PXDC1: variants seen among roughly 807,000 people sequenced by gnomAD.
PXDC1 encodes the protein PX domain containing 1.
PXDC1 carries 13 observed loss-of-function variants against 24.4 expected under a neutral mutation model. The observed-to-expected ratio is 0.53, with a 90% CI of 0.35 to 0.85. The LOEUF is 0.85. Among genes scored for constraint, PXDC1 ranks in the 40% least tolerant of loss-of-function variants. The pLI, the probability that PXDC1 is intolerant of heterozygous loss-of-function variation, is 0.01. For missense variants in PXDC1, 344 were observed against 309.3 expected, an observed-to-expected ratio of 1.11 and a Z score of -0.84; for synonymous variants, 162 against 124.9, an observed-to-expected ratio of 1.30 and a Z score of -1.98.
chr6:3,751,606 G>A lies in PXDC1; in HGVS notation c.-75C>T. The A allele has an allele frequency of 7.1e-7, 1 of 1,399,040 alleles. No homozygotes were observed. Among genetic ancestry groups the A allele is most frequent in the East Asian group, 2.9e-5 (1 of 34,466 alleles). 86.7% of individuals were successfully genotyped at this position (1,399,040 alleles called of 1,614,324 possible). On this transcript the variant is annotated 5_prime_UTR_variant, in exon 1 of 5. Coordinates refer to ENST00000380283, the MANE Select transcript of PXDC1 (RefSeq NM_183373.4). ...CCCGCAGGAGGCGCGCCCCGGCCGG[G>A]GTCGTCCCGGGTCTGTCCGTGGCCG... is the stretch of plus-strand genomic sequence containing the variant.
rs761155596 is a variant in PXDC1 at position 3,751,304 on chromosome 6, G to C, written c.228C>G (p.Ser76=). The stretch of plus-strand genomic sequence containing the variant: ...GCCGCAGCGGCCCCTGCGCCAGTTC[G>C]GACCGGTCCTCGGGAAAGGCGTCGC... ...RLRDAFPEDR[S]ELAQGPLRQG... Residue 76 remains serine, a synonymous_variant, in exon 1 of 5, where the codon TCC becomes TCG. Transcript: ENST00000380283. 5.2e-6 allele frequency: 8 copies of C among 1,539,716 alleles called. No individual in the cohort carries two copies. In the Admixed American group the frequency reaches 1.5e-4, roughly 30 times the overall value.
intron 1 of PXDC1, among the ~76,000 whole-genome samples, chr6:3,745,146 C>T (rs1760537742): frequency 6.6e-6 from 1 of 152,198 alleles, no homozygotes; most frequent in Non-Finnish European, 1.5e-5. Flanking sequence ...GGTGACCTCC[C>T]TCTTTGTGGG....
chr6:3,723,797 C>T (rs192165117), intron 4 of PXDC1, 61 bp from the exon 5 acceptor site: 10 of 1,322,694 alleles, frequency 7.6e-6, no homozygotes, highest in South Asian at 2.4e-5. Context: ...ACCAAACACC[C>T]GCCGGGACCA....
At chr6:3,746,189 G>A (rs1253728117) in intron 1 of PXDC1, among the ~76,000 whole-genome samples, 1 of 152,180 alleles carries the variant, frequency 6.6e-6, no homozygotes, top group Non-Finnish European at 1.5e-5. Flanking sequence ...GTCTCCAGCT[G>A]GGAAGTGAGC....
chr6:3,727,075 G>A (rs1300958598), intron 4 of PXDC1, among the ~76,000 whole-genome samples: 1 of 152,254 alleles, frequency 6.6e-6, no homozygotes, highest in Non-Finnish European at 1.5e-5. Context: ...GGGCTCTCTA[G>A]AGCATGTGTT....
intron 1 of PXDC1, among the ~76,000 whole-genome samples, chr6:3,747,232 C>T (rs1291052892): frequency 6.6e-6 from 1 of 152,078 alleles, no homozygotes; most frequent in African/African-American, 2.4e-5. Flanking sequence ...GTCATCTGCA[C>T]ACTACTCCAC....
chr6:3,751,087 C>T (rs1171503281), intron 1 of PXDC1, 189 bp downstream of exon 1: 2 of 508,062 alleles, frequency 3.9e-6, no homozygotes, highest in Non-Finnish European at 6.7e-6. Flanking sequence ...GCTGGGCAGG[C>T]TGGCTCCCCG....
intron 1 of PXDC1, among the ~76,000 whole-genome samples, chr6:3,746,679 C>T (rs983585743): frequency 1.3e-5 from 2 of 152,056 alleles, no homozygotes; most frequent in Admixed American, 6.5e-5. Context: ...CTCTGCTGCC[C>T]GGGACTGGTG....
chr6:3,745,029 G>A (rs1386059630), intron 1 of PXDC1, among the ~76,000 whole-genome samples: 1 of 152,228 alleles, frequency 6.6e-6, no homozygotes, highest in Non-Finnish European at 1.5e-5. Flanking sequence ...CTAGATCTTA[G>A]GATCTTTCTT....
At position 3,728,745 on chromosome 6, in the gene PXDC1, G is replaced by T. The variant is rs1246357507; in HGVS notation, c.467-1083C>A. On this transcript the variant is annotated intron_variant, in intron 3 of 4. Transcript: ENST00000380283. This position sits in a 1 kb window ranked among gnomAD's most constrained non-coding sequence, Gnocchi z 4.0. ...CTCCTGGATCGCATCATGCCATCTGGTCCATCTAGGTATAAAAAGCTGCAG... is the reference window on the plus strand; with the variant it reads ...CTCCTGGATCGCATCATGCCATCTGTTCCATCTAGGTATAAAAAGCTGCAG... Among the ~76,000 whole-genome samples, 1 of 152,078 alleles carries T rather than the reference G, an allele frequency of 6.6e-6. No individual in the cohort carries two copies. The highest frequency in any genetic ancestry group is 1.5e-5 in the Non-Finnish European group (1 of 68,024).
At chr6:3,750,498 C>T (rs1268106488) in intron 1 of PXDC1, among the ~76,000 whole-genome samples, 2 of 152,182 alleles carry the variant, frequency 1.3e-5, no homozygotes, top group African/African-American at 4.8e-5. Context: ...ATTCCAGTCC[C>T]TCTCTCTTGC....
At chr6:3,726,920 G>A (rs1298860940) in intron 4 of PXDC1, among the ~76,000 whole-genome samples, 1 of 152,216 alleles carries the variant, frequency 6.6e-6, no homozygotes, top group Non-Finnish European at 1.5e-5. Flanking sequence ...ATAACTTTCT[G>A]AGCTCATACA....
chr6:3,727,649 G>T lies in PXDC1; in HGVS notation c.480C>A (p.Ser160=), dbSNP rs1760097547. The T allele has an allele frequency of 6.2e-7, 1 of 1,612,374 alleles. No homozygotes were observed. The change falls in exon 4 of 5, where the codon TCC becomes TCA. Residue 160 remains serine, a synonymous_variant. Transcript: ENST00000380283. ...SPVKISEIMR[S]NGFCLANTET... ...CGGTATTTGCTAAACAAAATCCATT[G>T]GACCTCATGATTTCTGAAAACCAAA...
chr6:3,729,089 G>A (rs919490405), intron 3 of PXDC1, among the ~76,000 whole-genome samples: 1 of 152,102 alleles, frequency 6.6e-6, no homozygotes, highest in African/African-American at 2.4e-5. Context: ...ACACCCAACA[G>A]GAACATCGCT....
chr6:3,750,925 G>A lies in PXDC1; in HGVS notation c.256+351C>T, dbSNP rs536829061. Among the ~76,000 whole-genome samples, 37 of 152,060 alleles carry A rather than the reference G, an allele frequency of 2.4e-4. 1 individual carries two copies. Among genetic ancestry groups the A allele is most frequent in the South Asian group, 1.0e-3 (5 of 4,820 alleles). On this transcript the variant is annotated intron_variant, in intron 1 of 4. Coordinates refer to ENST00000380283, the MANE Select transcript of PXDC1 (RefSeq NM_183373.4). Reference sequence around the variant, plus strand: ...GCCCTCGGGAGGTACCGGGCAGGGGGCTAGGGCCGGGCCGACCCTGTGAGC... The same window carrying A: ...GCCCTCGGGAGGTACCGGGCAGGGGACTAGGGCCGGGCCGACCCTGTGAGC...
intron 3 of PXDC1, among the ~76,000 whole-genome samples, chr6:3,735,686 T>C (rs889758720): frequency 4.6e-5 from 7 of 152,214 alleles, no homozygotes; most frequent in Non-Finnish European, 8.8e-5. Context: ...GCTGTACTAC[T>C]GCACAGTAAG....
chr6:3,739,148 T>G, intron 1 of PXDC1: 1 of 1,166,284 alleles, frequency 8.6e-7, no homozygotes, highest in African/African-American at 1.6e-5. Context: ...TTTCAAGCAA[T>G]TCGTTGAATA....
intron 3 of PXDC1, among the ~76,000 whole-genome samples, chr6:3,729,195 T>C (rs766001391): frequency 1.3e-5 from 2 of 152,178 alleles, no homozygotes; most frequent in Non-Finnish European, 2.9e-5. Flanking sequence ...TTCCCGTGTA[T>C]GGATTTGCTT....
intron 1 of PXDC1, among the ~76,000 whole-genome samples, chr6:3,740,872 C>CT (rs1446814708): frequency 2.0e-5 from 3 of 152,272 alleles, no homozygotes; most frequent in Admixed American, 6.5e-5. Flanking sequence ...ACTGTGCCTT[C>CT]ACCTGGGGGT....
Sources: gnomAD v4.1 joint callset for allele counts (sites outside exome capture counted in the v4.1 genomes callset) on GRCh38, gnomAD v4.1.1 for gene constraint, Gnocchi (gnomAD v3.1) non-coding constraint, MANE v1.5 for transcripts, NCBI Gene and HGNC (gene_info 2026-07-23, HGNC 2026-07-21) for gene names.